The following NALCN variants were observed in gnomAD, a reference collection of about 807,000 sequenced individuals.
The protein encoded by NALCN is sodium leak channel, non-selective, also known as sodium leak channel NALCN.
Under a neutral mutation model 225.3 loss-of-function variants are expected in NALCN, and 111 were observed. The observed-to-expected ratio is 0.49, with a 90% CI of 0.42 to 0.58. The LOEUF is 0.58. NALCN is among the 20% of genes least tolerant of loss of function. The pLI is 0.00. For synonymous variants in NALCN, 764 were observed against 769.0 expected (o/e 0.99, Z 0.11); for missense variants, 1,378 against 2,202.4 (o/e 0.63, Z 7.49).
At chr13:101,119,503 G>C (rs1171800069) in intron 18 of NALCN, among the ~76,000 whole-genome samples, 1 of 152,130 alleles carries the variant, frequency 6.6e-6, no homozygotes, top group Non-Finnish European at 1.5e-5. Context: ...AACCACACAA[G>C]GATGGAACTT....
intron 6 of NALCN, among the ~76,000 whole-genome samples, chr13:101,347,841 G>A (rs1372773781): frequency 2.0e-5 from 3 of 152,148 alleles, no homozygotes; most frequent in Non-Finnish European, 2.9e-5. Flanking sequence ...CTAATGTGTT[G>A]CAAGTACTGT....
intron 3 of NALCN, among the ~76,000 whole-genome samples, chr13:101,391,711 A>T (rs1420905690): frequency 1.9e-4 from 29 of 151,862 alleles, no homozygotes; most frequent in Admixed American, 1.9e-3. Flanking sequence ...TAGGTCTGCC[A>T]CAGTGGCTCA....
In NALCN at chr13:101,085,706, A is replaced by G. The variant is rs571898068; in HGVS notation, c.3490-1902T>C. Among the ~76,000 whole-genome samples the G allele has an allele frequency of 7.2e-5, 11 of 152,328 alleles. No individual in the cohort carries two copies. The South Asian group carries it at 8.3e-4, about 11-fold the overall frequency. ...TGCGCTGATTAAAAATAATAAAGGC[A>G]AAAACATTATTTGCTGCTTATCTGA... On this transcript the variant is annotated intron_variant, in intron 30 of 43. Transcript: ENST00000251127.
In NALCN at chr13:101,213,457, T is replaced by C. The variant is rs1326085309; in HGVS notation, c.1626+15936A>G. On this transcript the variant is annotated intron_variant, in intron 13 of 43. Transcript: ENST00000251127. Reference sequence around the variant, plus strand: ...CCAAAATAGACAAATGGGATCTAATTAAGCTAAAGAGCCTCTGCACAGCAA... The same window carrying C: ...CCAAAATAGACAAATGGGATCTAATCAAGCTAAAGAGCCTCTGCACAGCAA... 3.9e-5 allele frequency among the ~76,000 whole-genome samples: 6 copies of C among 152,088 alleles called. No individual in the cohort carries two copies. In the East Asian group the frequency reaches 1.2e-3, roughly 29 times the overall value.
At chr13:101,260,745 T>C (rs1230349209) in intron 10 of NALCN, among the ~76,000 whole-genome samples, 1 of 152,234 alleles carries the variant, frequency 6.6e-6, no homozygotes, top group African/African-American at 2.4e-5. Flanking sequence ...TAGAGTTGTT[T>C]CAGGTCCTTA....
chr13:101,193,102 C>CT (rs5806199), intron 13 of NALCN, among the ~76,000 whole-genome samples: 29,071 of 142,226 alleles, frequency 0.2, 2,902 homozygotes, highest in East Asian at 0.35. Context: ...CTGATTCCTT[C>CT]TTTTTTTTTT....
chr13:101,265,063 G>A (rs1218825380), intron 10 of NALCN, among the ~76,000 whole-genome samples: 1 of 152,082 alleles, frequency 6.6e-6, no homozygotes, highest in Non-Finnish European at 1.5e-5. Context: ...AGTCCATTTT[G>A]GACTTCTAAC....
At chr13:101,144,925 A>C in intron 15 of NALCN, 29 bp from the exon 16 acceptor site, 2 of 1,594,414 alleles carry the variant, frequency 1.3e-6, no homozygotes, top group Non-Finnish European at 8.5e-7. Context: ...GAAGAAAAAA[A>C]GGGGGAACCT....
At position 101,062,052 on chromosome 13, in the gene NALCN, C is replaced by T. The variant is rs1481531384; in HGVS notation, c.4671G>A (p.Glu1557=). The change falls in exon 41 of 44, where the codon GAG becomes GAA. Residue 1557 remains glutamate, a synonymous_variant. Transcript: ENST00000251127. ...CCTCCTCTATGGTGTACTCCAGCTG[C>T]TCCCTCGCCAGGAGTTCCTCCAGCT... ...SLQLEELLAR[E]QLEYTIEEEV... The T allele has an allele frequency of 4.3e-6, 7 of 1,614,070 alleles. No homozygotes were observed. The Admixed American group carries it at 1.2e-4, about 27-fold the overall frequency.
chr13:101,240,162 A>G (rs916995762), intron 11 of NALCN, among the ~76,000 whole-genome samples: 2 of 152,084 alleles, frequency 1.3e-5, no homozygotes, highest in African/African-American at 4.8e-5. Context: ...ACATGTTCAC[A>G]TATGTCTACA....
chr13:101,083,833 G>T, intron 30 of NALCN, 29 bp from the exon 31 acceptor site: 1 of 1,605,006 alleles, frequency 6.2e-7, no homozygotes. Context: ...GCAGGAAAAG[G>T]CCTTTTGTCA....
intron 10 of NALCN, among the ~76,000 whole-genome samples, chr13:101,276,846 G>T (rs16958750): frequency 6.6e-6 from 1 of 151,992 alleles, no homozygotes; most frequent in Non-Finnish European, 1.5e-5. Context: ...GGTAAAATAT[G>T]TATGTGCACA....
intron 13 of NALCN, among the ~76,000 whole-genome samples, chr13:101,221,803 G>C (rs562444939): frequency 1.7e-4 from 26 of 152,294 alleles, no homozygotes; most frequent in African/African-American, 6.0e-4. Context: ...CTGTTGGCAT[G>C]AAAGCAAGGT....
At chr13:101,278,522 CAAAA>C (rs3061766) in intron 10 of NALCN, among the ~76,000 whole-genome samples, 2 of 87,462 alleles carry the variant, frequency 2.3e-5, no homozygotes, top group South Asian at 3.4e-4. Context: ...GACTCTGTCT[CAAAA>C]AAAAAAAAAA....
intron 17 of NALCN, among the ~76,000 whole-genome samples, chr13:101,132,350 CAAATA>C (rs2036558925): frequency 6.6e-6 from 1 of 151,900 alleles, no homozygotes; most frequent in Admixed American, 6.6e-5. Flanking sequence ...ACATTTTGGT[CAAATA>C]ATATCTTTTC....
At chr13:101,062,600 T>TAATTA (rs1353298115) in intron 40 of NALCN, among the ~76,000 whole-genome samples, 2 of 152,046 alleles carry the variant, frequency 1.3e-5, no homozygotes, top group Non-Finnish European at 2.9e-5. Context: ...TCTTCCTTAT[T>TAATTA]AATTAATTTT....
At chr13:101,324,854 G>A (rs501743) in intron 7 of NALCN, among the ~76,000 whole-genome samples, 61,974 of 151,914 alleles carry the variant, frequency 0.41, 12,992 homozygotes, top group Middle Eastern at 0.48. Context: ...GTCTTGTGCC[G>A]GTTTTCAAAG....
At chr13:101,145,709 A>G (rs926915658) in intron 15 of NALCN, among the ~76,000 whole-genome samples, 3 of 151,646 alleles carry the variant, frequency 2.0e-5, no homozygotes, top group African/African-American at 7.3e-5. Context: ...GTCCCTCTTT[A>G]CTTCTGTTTA....
intron 11 of NALCN, among the ~76,000 whole-genome samples, chr13:101,246,780 G>T (rs1477269321): frequency 3.9e-5 from 6 of 152,146 alleles, no homozygotes; most frequent in Non-Finnish European, 8.8e-5. Context: ...TATGATTAAT[G>T]AACTCAAACG....
Sources: allele counts gnomAD v4.1 joint callset (sites outside exome capture counted in the v4.1 genomes callset), GRCh38; gene constraint gnomAD v4.1.1; transcripts MANE v1.5; gene names NCBI Gene and HGNC (gene_info 2026-07-23, HGNC 2026-07-21).